The following TBC1D10B variants were observed in gnomAD, a reference collection of about 807,000 sequenced individuals.
The protein encoded by TBC1D10B is Rab27A-GAPbeta.
TBC1D10B carries 25 observed loss-of-function variants against 78.4 expected under a neutral mutation model. That is an observed-to-expected ratio of 0.32 (90% CI 0.23 to 0.45). TBC1D10B has a LOEUF of 0.45. Ranked by LOEUF, TBC1D10B falls within the 20% of genes least tolerant of loss-of-function variation. TBC1D10B has a pLI of 1.00. For synonymous variants in TBC1D10B, 517 were observed against 478.0 expected (o/e 1.08, Z -1.06); for missense variants, 996 against 1,104.8 (o/e 0.90, Z 1.40).
Position 30,370,060 on chromosome 16 carries a change from C to T in TBC1D10B, c.124G>A (p.Val42Met). The T allele has an allele frequency of 8.1e-7, 1 of 1,228,204 alleles. No homozygotes were observed. The highest frequency in any genetic ancestry group is 3.2e-5 in the East Asian group (1 of 31,484). The allele number at this position is 1,228,204 out of a possible 1,614,324, so 76.1% of individuals were successfully genotyped here. A position where few individuals can be genotyped will look rare whatever the true frequency, so the allele number is the denominator to read the frequency against. ...PVVVVAPGPP[V>M]TTATSAPVTL... The stretch of plus-strand genomic sequence containing the variant: ...ACGGGGGCCGAAGTGGCCGTAGTCA[C>T]TGGAGGTCCCGGAGCCACCACCACG... The change falls in exon 1 of 9, where the codon GTG becomes ATG. Residue 42 changes from valine to methionine, a missense_variant. Physicochemically the swap from Val to Met is conservative, Grantham distance 21. Around this residue, in one of 5 missense-constraint regions of TBC1D10B, gnomAD observed 448 missense variants for 442.1 expected, o/e 1.01. Transcript: ENST00000409939.
Position 30,370,327 on chromosome 16 carries a change from C to G in TBC1D10B, c.-144G>C, listed in dbSNP as rs2049679907. The G allele has an allele frequency of 3.9e-6, 1 of 257,276 alleles. No individual in the cohort carries two copies. The highest frequency in any genetic ancestry group is 1.4e-4 in the South Asian group (1 of 7,174). The allele number at this position is 257,276 out of a possible 1,614,324, so 15.9% of individuals were successfully genotyped here. A position where few individuals can be genotyped will look rare whatever the true frequency, so the allele number is the denominator to read the frequency against. The stretch of plus-strand genomic sequence containing the variant: ...CGCCGGGGGCGGAGCGGCCGCTGGG[C>G]GCGCAGAGGCGGGGCAGGGGTCGGG... On this transcript the variant is annotated 5_prime_UTR_variant, in exon 1 of 9. Coordinates refer to ENST00000409939, the MANE Select transcript of TBC1D10B (RefSeq NM_015527.4).
Position 30,359,876 on chromosome 16 carries a change from C to T in TBC1D10B, c.1272-35G>A, listed in dbSNP as rs753938699. The T allele has an allele frequency of 6.6e-5, 100 of 1,523,366 alleles. No homozygotes were observed. In the Admixed American group the frequency reaches 1.1e-3, roughly 17 times the overall value. The allele number at this position is 1,523,366 out of a possible 1,614,324, so 94.4% of individuals were successfully genotyped here. ...TTGGGGAAGACTGTGAGGGCAGTCA[C>T]GGGCTGAGAGCTCTGTCCCCAAACC... On this transcript the variant is annotated intron_variant, in intron 4 of 8. Transcript: ENST00000409939.
intron 1 of TBC1D10B, chr16:30,366,752 C>T (rs1196924074): frequency 1.3e-5 from 2 of 152,114 alleles, no homozygotes; most frequent in Non-Finnish European, 2.9e-5. Context: ...TTGTAGGAGC[C>T]AGTACTAGGA....
Position 30,359,084 on chromosome 16 carries a change from G to A in TBC1D10B, c.1642+88C>T, listed in dbSNP as rs2049581275. 3 of 1,459,026 alleles carry A rather than the reference G, an allele frequency of 2.1e-6. No homozygotes were observed. The South Asian group carries it at 4.1e-5, about 20-fold the overall frequency. 90.4% of individuals were successfully genotyped at this position (1,459,026 alleles called of 1,614,324 possible). Reference sequence around the variant, plus strand: ...AACCTCCACCCAACAAGTACCTTTTGTCCATGGACCACCAGAAATATGACA... The same window carrying A: ...AACCTCCACCCAACAAGTACCTTTTATCCATGGACCACCAGAAATATGACA... On this transcript the variant is annotated intron_variant, in intron 7 of 8. Coordinates refer to ENST00000409939, the MANE Select transcript of TBC1D10B (RefSeq NM_015527.4).
chr16:30,370,259 CCAG>C lies in TBC1D10B; in HGVS notation c.-79_-77del. ...CCGCCCCTCGGGCCTCCCGGCGAGG[CCAG>C]CCGAGAAAGGGGAGAGGGCGAAGGG... is the stretch of plus-strand genomic sequence containing the variant. On this transcript the variant is annotated 5_prime_UTR_variant, in exon 1 of 9. Transcript: ENST00000409939. 1 of 817,236 alleles carries C rather than the reference CCAG, an allele frequency of 1.2e-6. No homozygotes were observed. Among genetic ancestry groups the C allele is most frequent in the Non-Finnish European group, 1.5e-6 (1 of 645,186 alleles). The allele number at this position is 817,236 out of a possible 1,614,324, so 50.6% of individuals were successfully genotyped here. A position where few individuals can be genotyped will look rare whatever the true frequency, so the allele number is the denominator to read the frequency against.
rs557914952 is a variant in TBC1D10B, at chr16:30,364,910, C to A, written c.1261G>T (p.Gly421Trp). ...GTCCGGCCACCTTACCCATGCCCCC[C>A]TCGAGCAGCAAACATCTCGTGGAAA... ...FPFHEMFAAR[G>W]GHGQQDLYRI... Residue 421 changes from glycine (G) to tryptophan (W), a missense_variant, in exon 4 of 9, where the codon GGG becomes TGG. Physicochemically the swap from Gly to Trp is radical, Grantham distance 184. Coordinates refer to ENST00000409939, the MANE Select transcript of TBC1D10B (RefSeq NM_015527.4). 8 of 1,610,488 alleles carry A rather than the reference C, an allele frequency of 5.0e-6. No homozygotes were observed. Among genetic ancestry groups the A allele is most frequent in the Non-Finnish European group, 1.7e-6 (2 of 1,178,426 alleles).
At chr16:30,360,000 G>A (rs1191200751) in intron 4 of TBC1D10B, 159 bp from the exon 5 acceptor site, 1 of 663,142 alleles carries the variant, frequency 1.5e-6, no homozygotes, top group Non-Finnish European at 2.6e-6. Context: ...CCACAGCAGA[G>A]CACTCCAGGC....
intron 4 of TBC1D10B, among the ~76,000 whole-genome samples, chr16:30,361,780 C>A (rs1041825531): frequency 6.6e-6 from 1 of 151,714 alleles, no homozygotes; most frequent in African/African-American, 2.4e-5. Flanking sequence ...GGCGTGATCT[C>A]GGCTCACTGA....
rs755020097 is a variant in TBC1D10B, at chr16:30,358,048, G to A, written c.2323C>T (p.Gln775Ter). 4 of 1,551,900 alleles carry A rather than the reference G, an allele frequency of 2.6e-6. No homozygotes were observed. The highest frequency in any genetic ancestry group is 3.5e-6 in the Non-Finnish European group (4 of 1,147,002). ...CGACGCAGCGAAAGCTTCCGGCCTT[G>A]AGCCTTCTTCTCCTGCTTCTGCCGC... is the stretch of plus-strand genomic sequence containing the variant. ...KERQKQEKKA[Q>*]GRKLSLRRKA... Residue 775 changes from glutamine (Q) to a stop codon, truncating the protein, a stop_gained, in exon 9 of 9, where the codon CAA becomes TAA. Transcript: ENST00000409939. LOFTEE classifies it high-confidence loss of function.
intron 4 of TBC1D10B, among the ~76,000 whole-genome samples, chr16:30,362,105 T>C (rs1387607449): frequency 6.6e-6 from 1 of 152,114 alleles, no homozygotes; most frequent in Non-Finnish European, 1.5e-5. Context: ...CGCCTCGGCC[T>C]CCCAATGTGC....
chr16:30,368,838 G>C (rs1296008563), intron 1 of TBC1D10B, among the ~76,000 whole-genome samples: 2 of 152,044 alleles, frequency 1.3e-5, no homozygotes, highest in Non-Finnish European at 2.9e-5. Flanking sequence ...CAGAACCCTC[G>C]CCCAACCAAC....
In TBC1D10B at chr16:30,369,134, G is replaced by T; in HGVS notation, c.956+94C>A. ...GTGGATCCTCAGAGGAGGCTGGGCT[G>T]CCAGAGTCTGGGCAAAGTGTATCGT... On this transcript the variant is annotated intron_variant, in intron 1 of 8. Coordinates refer to ENST00000409939, the MANE Select transcript of TBC1D10B (RefSeq NM_015527.4). This position sits in a 1 kb window ranked among gnomAD's most constrained non-coding sequence, Gnocchi z 4.3. 1 of 1,318,626 alleles carries T rather than the reference G, an allele frequency of 7.6e-7. No homozygotes were observed. Among genetic ancestry groups the T allele is most frequent in the Non-Finnish European group, 1.0e-6 (1 of 979,428 alleles). 81.7% of individuals were successfully genotyped at this position (1,318,626 alleles called of 1,614,324 possible).
chr16:30,369,160 T>C lies in TBC1D10B; in HGVS notation c.956+68A>G. On this transcript the variant is annotated intron_variant, in intron 1 of 8. Transcript: ENST00000409939. This position sits in a 1 kb window ranked among gnomAD's most constrained non-coding sequence, Gnocchi z 4.3. ...CCAGAGTCTGGGCAAAGTGTATCGTTTTCGTTTCGCCCTCCCCCAACCTTT... is the reference window on the plus strand; with the variant it reads ...CCAGAGTCTGGGCAAAGTGTATCGTCTTCGTTTCGCCCTCCCCCAACCTTT... 3.5e-6 allele frequency: 5 copies of C among 1,443,712 alleles called. No homozygotes were observed. The highest frequency in any genetic ancestry group is 4.6e-6 in the Non-Finnish European group (5 of 1,083,870). 89.4% of individuals were successfully genotyped at this position (1,443,712 alleles called of 1,614,324 possible).
chr16:30,366,858 A>T (rs902879898), intron 1 of TBC1D10B: 3 of 152,188 alleles, frequency 2.0e-5, no homozygotes, highest in Non-Finnish European at 2.9e-5. Flanking sequence ...AGCTTTGTCA[A>T]GGGATGACCT....
In TBC1D10B at chr16:30,359,675, C is replaced by T. The variant is rs2049586524; in HGVS notation, c.1386+52G>A. On this transcript the variant is annotated intron_variant, in intron 5 of 8. Transcript: ENST00000409939. Reference sequence around the variant, plus strand: ...GGAGCAGGGAGCTCCCCCATCACCACTGTAGGGTGAGATCCCCCCTGCCCC... The same window carrying T: ...GGAGCAGGGAGCTCCCCCATCACCATTGTAGGGTGAGATCCCCCCTGCCCC... The T allele has an allele frequency of 2.6e-6, 4 of 1,553,182 alleles. No homozygotes were observed. In the African/African-American group the frequency reaches 5.5e-5, roughly 21 times the overall value.
At chr16:30,368,477 C>T (rs1377185549) in intron 1 of TBC1D10B, among the ~76,000 whole-genome samples, 1 of 152,116 alleles carries the variant, frequency 6.6e-6, no homozygotes, top group Non-Finnish European at 1.5e-5. Flanking sequence ...CTGACTGGCC[C>T]AGCAGGTCAA....
intron 4 of TBC1D10B, among the ~76,000 whole-genome samples, chr16:30,362,096 G>A (rs1309952831): frequency 6.6e-6 from 1 of 151,958 alleles, no homozygotes; most frequent in Admixed American, 6.6e-5. Flanking sequence ...TGATCTGCCC[G>A]CCTCGGCCTC....
Position 30,358,435 on chromosome 16 carries a change from GCTC to G in TBC1D10B, c.1933_1935del (p.Glu645del). 1 of 1,586,696 alleles carries G rather than the reference GCTC, an allele frequency of 6.3e-7. No individual in the cohort carries two copies. Among genetic ancestry groups the G allele is most frequent in the Non-Finnish European group, 8.6e-7 (1 of 1,167,190 alleles). On this transcript the variant is annotated inframe_deletion, in exon 9 of 9. Transcript: ENST00000409939. ...CCCAGGGGTGGCTGTTGCCGCCGGCGCTCCTCGTGGATGGCCCGGGACCCATGC... is the reference window on the plus strand; with the variant it reads ...CCCAGGGGTGGCTGTTGCCGCCGGCGCTCGTGGATGGCCCGGGACCCATGC...
chr16:30,363,776 T>C (rs1169325937), intron 4 of TBC1D10B, among the ~76,000 whole-genome samples: 1 of 152,210 alleles, frequency 6.6e-6, no homozygotes, highest in Non-Finnish European at 1.5e-5. Flanking sequence ...GCCTGGTAGA[T>C]AGCAGATGCT....
Sources: allele counts gnomAD v4.1 joint callset (sites outside exome capture counted in the v4.1 genomes callset), GRCh38; gene constraint gnomAD v4.1.1; regional missense constraint gnomAD v4.1.1; non-coding constraint Gnocchi (gnomAD v3.1); transcripts MANE v1.5; gene names NCBI Gene and HGNC (gene_info 2026-07-23, HGNC 2026-07-21).